CLIC5: variants seen among roughly 807,000 people sequenced by gnomAD.
The protein encoded by CLIC5 is chloride intracellular channel protein 5.
A neutral mutation model predicts 24.7 loss-of-function variants in CLIC5; 20 were observed. That is an observed-to-expected ratio of 0.81 (90% CI 0.57 to 1.18). CLIC5 has a LOEUF of 1.18. Ranked by LOEUF, CLIC5 falls within the 50% of genes most tolerant of loss-of-function variation. CLIC5 has a pLI of 0.00. For missense variants in CLIC5, 341 were observed against 326.1 expected (o/e 1.05, Z -0.35); for synonymous variants, 159 against 135.6 (o/e 1.17, Z -1.20).
chr6:46,101,602 G>A, the CLIC5 span, among the ~76,000 whole-genome samples: 3 of 152,286 alleles, frequency 2.0e-5, no homozygotes, highest in Admixed American at 1.3e-4. Context: ...TATCATGCCA[G>A]CTAAAACTGG....
the CLIC5 span, among the ~76,000 whole-genome samples, chr6:46,085,527 G>A: frequency 6.6e-5 from 10 of 152,204 alleles, no homozygotes; most frequent in Admixed American, 6.5e-4. Flanking sequence ...GTTGGAGTTT[G>A]CTAGAGGTCC....
intron 1 of CLIC5, among the ~76,000 whole-genome samples, chr6:45,987,608 A>T (rs901013005): frequency 6.6e-6 from 1 of 152,216 alleles, no homozygotes; most frequent in Admixed American, 6.5e-5. Context: ...TATTTTTCAC[A>T]GTTCTGGAAG....
At chr6:45,993,778 T>C (rs7772905) in intron 1 of CLIC5, among the ~76,000 whole-genome samples, 90,547 of 152,066 alleles carry the variant, frequency 0.6, 27,339 homozygotes, top group East Asian at 0.77. Context: ...CTAACAACTG[T>C]GATTGGTTAG....
intron 1 of CLIC5, among the ~76,000 whole-genome samples, chr6:46,060,728 T>G (rs891909192): frequency 4.6e-5 from 7 of 152,134 alleles, no homozygotes; most frequent in Non-Finnish European, 8.8e-5. Flanking sequence ...TGCCTGCATT[T>G]TTTTTCAGAG....
intron 4 of CLIC5, among the ~76,000 whole-genome samples, chr6:45,929,196 A>G (rs1429400494): frequency 6.6e-6 from 1 of 152,046 alleles, no homozygotes; most frequent in African/African-American, 2.4e-5. Flanking sequence ...CTGCCCAAGG[A>G]TTCGTTTCAG....
At chr6:45,916,799 C>T (rs1763048922) in intron 4 of CLIC5, among the ~76,000 whole-genome samples, 1 of 152,222 alleles carries the variant, frequency 6.6e-6, no homozygotes, top group South Asian at 2.1e-4. Context: ...CATGTTGCAA[C>T]TGTGACATTC....
chr6:45,956,467 T>C (rs1186242259), intron 1 of CLIC5, among the ~76,000 whole-genome samples: 2 of 131,384 alleles, frequency 1.5e-5, no homozygotes, highest in Non-Finnish European at 3.3e-5. Context: ...GGGGGCTTAC[T>C]GAGTTTTTTT....
chr6:46,067,103 T>G (rs77532954), intron 1 of CLIC5, among the ~76,000 whole-genome samples: 3 of 151,984 alleles, frequency 2.0e-5, no homozygotes, highest in Admixed American at 2.0e-4. Flanking sequence ...AGTATCCAAT[T>G]TGCAATTTCG....
At chr6:46,107,896 G>A in the CLIC5 span, among the ~76,000 whole-genome samples, 14 of 152,078 alleles carry the variant, frequency 9.2e-5, no homozygotes, top group East Asian at 1.9e-3. Flanking sequence ...TTAGCCAAGC[G>A]TGGTGGCGCA....
At chr6:45,912,704 C>G (rs1762863942) in intron 5 of CLIC5, 1 of 1,535,434 alleles carries the variant, frequency 6.5e-7, no homozygotes, top group Non-Finnish European at 8.7e-7. Context: ...TGTGACTGAG[C>G]TGGAATTATA....
chr6:46,050,842 A>AGTGTGTGTGTGTGTGT, intron 1 of CLIC5, among the ~76,000 whole-genome samples: 1 of 93,192 alleles, frequency 1.1e-5, no homozygotes, highest in South Asian at 3.8e-4. Context: ...TAAGGTATAA[A>AGTGTGTGTGTGTGTGT]GTGTGTGTGT....
chr6:46,072,391 G>C (rs1407083998), intron 1 of CLIC5, among the ~76,000 whole-genome samples: 1 of 151,900 alleles, frequency 6.6e-6, no homozygotes, highest in African/African-American at 2.4e-5. Flanking sequence ...ATGAAGAGGA[G>C]AGAATATTTT....
chr6:46,079,917 C>A (rs558570647), exon 1 of CLIC5: 1 of 1,551,852 alleles, frequency 6.4e-7, no homozygotes, highest in Admixed American at 2.0e-5. Flanking sequence ...TGAATATAAC[C>A]CTTCCATTGA....
chr6:46,053,677 G>T lies in CLIC5; in HGVS notation c.540+26026C>A, dbSNP rs78084936. On this transcript the variant is annotated intron_variant, in intron 1 of 5. Transcript: ENST00000185206. Reference sequence around the variant, plus strand: ...AAACACCAGGCAATGCTTTATCACAGTCTGTGCTTCTTAGCAAACTATTTC... The same window carrying T: ...AAACACCAGGCAATGCTTTATCACATTCTGTGCTTCTTAGCAAACTATTTC... Among the ~76,000 whole-genome samples the T allele has an allele frequency of 2.1e-4, 32 of 152,300 alleles. No homozygotes were observed. In the East Asian group the frequency reaches 5.8e-3, roughly 28 times the overall value.
At chr6:46,085,127 G>C (rs1229491050), upstream of CLIC5, among the ~76,000 whole-genome samples, 2 of 152,160 alleles carry the variant, frequency 1.3e-5, no homozygotes, top group East Asian at 1.9e-4. Context: ...AGCTCCATCA[G>C]CTCCTTTAAG....
intron 4 of CLIC5, among the ~76,000 whole-genome samples, chr6:45,927,944 C>T (rs1209560494): frequency 4.6e-5 from 7 of 152,134 alleles, no homozygotes; most frequent in East Asian, 3.9e-4. Flanking sequence ...CAAATGTATT[C>T]GCAAGGTAGA....
intron 1 of CLIC5, among the ~76,000 whole-genome samples, chr6:46,040,125 G>T (rs771203087): frequency 2.6e-5 from 4 of 152,204 alleles, no homozygotes; most frequent in Non-Finnish European, 4.4e-5. Context: ...ATTCAGTACA[G>T]TATCTGGCAC....
intron 4 of CLIC5, among the ~76,000 whole-genome samples, chr6:45,927,338 G>T (rs1046120919): frequency 6.6e-6 from 1 of 152,010 alleles, no homozygotes; most frequent in Non-Finnish European, 1.5e-5. Flanking sequence ...TGTCCGAATC[G>T]CCTGGGAGCT....
chr6:45,927,492 C>G (rs1763545803), intron 4 of CLIC5, among the ~76,000 whole-genome samples: 1 of 152,104 alleles, frequency 6.6e-6, no homozygotes, highest in Admixed American at 6.6e-5. Context: ...AAGCTCTCTG[C>G]CCTCCCTCTA....
Sources: allele counts gnomAD v4.1 joint callset (sites outside exome capture counted in the v4.1 genomes callset), GRCh38; gene constraint gnomAD v4.1.1; transcripts MANE v1.5; gene names NCBI Gene and HGNC (gene_info 2026-07-23, HGNC 2026-07-21).